Variants in PP2D1 observed in about 807,000 individuals in gnomAD.
The protein encoded by PP2D1 is protein phosphatase 2C like domain containing 1, also known as protein phosphatase 2C-like domain-containing protein 1.
PP2D1 carries 25 observed loss-of-function variants against 30.2 expected under a neutral mutation model. The ratio of observed to expected loss-of-function variants is 0.83; its 90% confidence interval spans 0.60 to 1.16. The LOEUF (loss-of-function observed/expected upper bound fraction) is 1.16, where lower values mean the gene tolerates loss of function less well. Among genes scored for constraint, PP2D1 ranks in the 50% most tolerant of loss-of-function variants. The probability of loss-of-function intolerance (pLI) is 0.00; values close to 1 mark genes in which losing one functional copy is unlikely to be tolerated. For synonymous variants in PP2D1, 260 were observed against 258.9 expected (o/e 1.00, Z -0.04); for missense variants, 760 against 742.4 (o/e 1.02, Z -0.28).
In PP2D1 at chr3:19,980,226, A is replaced by G. The variant is rs180958575; in HGVS notation, c.*63-52T>C. The G allele has an allele frequency of 1.7e-4, 26 of 152,324 alleles. No individual in the cohort carries two copies. The East Asian group carries it at 4.8e-3, about 28-fold the overall frequency. 9.4% of individuals were successfully genotyped at this position (152,324 alleles called of 1,614,324 possible). A position where few individuals can be genotyped will look rare whatever the true frequency, so the allele number is the denominator to read the frequency against. ...TAATAGGCCTCTCAAATCAGCCTGC[A>G]CTGTAAACCTTTCTCACAATATTTA... On this transcript the variant is annotated intron_variant and NMD_transcript_variant, in intron 3 of 3. Coordinates refer to the PP2D1 transcript ENST00000333083.
chr3:20,003,193 TA>T (rs1178703980), intron 1 of PP2D1, among the ~76,000 whole-genome samples: 10 of 149,732 alleles, frequency 6.7e-5, no homozygotes, highest in Non-Finnish European at 7.4e-5. Flanking sequence ...CTCCTTATAT[TA>T]AAAAAAAAAT....
At chr3:19,995,940 T>G (rs1697174791) in intron 2 of PP2D1, among the ~76,000 whole-genome samples, 1 of 151,966 alleles carries the variant, frequency 6.6e-6, no homozygotes, top group African/African-American at 2.4e-5. Flanking sequence ...AAATATAACA[T>G]ACCAAAACCT....
At chr3:20,002,238 A>G (rs1697265981) in intron 1 of PP2D1, 142 bp from the exon 2 acceptor site, 1 of 620,010 alleles carries the variant, frequency 1.6e-6, no homozygotes. Context: ...CATATTTCTC[A>G]AAAAACATGT....
At chr3:19,987,037 CA>C (rs36014617) in intron 2 of PP2D1, among the ~76,000 whole-genome samples, 48,589 of 116,402 alleles carry the variant, frequency 0.42, 8,121 homozygotes, top group Non-Finnish European at 0.47. Flanking sequence ...AAATCTGCCT[CA>C]AAAAAAAAAA....
chr3:19,999,683 A>G (rs1025696899), intron 2 of PP2D1, among the ~76,000 whole-genome samples: 17 of 151,766 alleles, frequency 1.1e-4, no homozygotes, highest in African/African-American at 3.9e-4. Flanking sequence ...GCCACCACCC[A>G]CAGCTGTGTC....
intron 2 of PP2D1, among the ~76,000 whole-genome samples, chr3:19,992,030 C>T (rs1697125524): frequency 6.6e-6 from 1 of 152,082 alleles, no homozygotes; most frequent in African/African-American, 2.4e-5. Context: ...CAGTCTGTAT[C>T]CAGTTTTTCT....
downstream of PP2D1, among the ~76,000 whole-genome samples, chr3:19,983,020 T>C (rs565673561): frequency 2.6e-5 from 4 of 152,280 alleles, no homozygotes; most frequent in Non-Finnish European, 5.9e-5. Flanking sequence ...ATCATCTTTA[T>C]TGACTTAGAT....
intron 1 of PP2D1, among the ~76,000 whole-genome samples, chr3:20,008,625 A>C (rs1161302909): frequency 6.6e-6 from 1 of 151,938 alleles, no homozygotes; most frequent in African/African-American, 2.4e-5. Context: ...TGTAGCTCAC[A>C]CCTGTAATCT....
At chr3:19,997,017 CT>C (rs1373797436) in intron 2 of PP2D1, 3 of 150,990 alleles carry the variant, frequency 2.0e-5, no homozygotes, top group African/African-American at 7.3e-5. Context: ...AATTTAACAT[CT>C]CTTCATGATA....
intron 2 of PP2D1, among the ~76,000 whole-genome samples, chr3:19,986,876 A>G (rs2125137162): frequency 6.6e-6 from 1 of 152,060 alleles, no homozygotes; most frequent in South Asian, 2.1e-4. Context: ...CTCTACTAAA[A>G]ATACAAAAAA....
At chr3:20,007,622 G>A (rs539085935) in intron 1 of PP2D1, among the ~76,000 whole-genome samples, 1 of 152,046 alleles carries the variant, frequency 6.6e-6, no homozygotes, top group African/African-American at 2.4e-5. Flanking sequence ...TACAAAATTA[G>A]CCAAGCGTGG....
intron 2 of PP2D1, among the ~76,000 whole-genome samples, chr3:19,996,524 A>G (rs1575085732): frequency 2.0e-5 from 3 of 152,146 alleles, no homozygotes; most frequent in Non-Finnish European, 4.4e-5. Flanking sequence ...AATTAACACC[A>G]ATTCTTCTCA....
intron 2 of PP2D1, among the ~76,000 whole-genome samples, chr3:19,997,152 G>A (rs1697191118): frequency 1.3e-5 from 2 of 148,270 alleles, no homozygotes; most frequent in Non-Finnish European, 3.0e-5. Flanking sequence ...CTGGAGATGG[G>A]TTCTGATAGA....
chr3:20,001,668 T>A lies in PP2D1; in HGVS notation c.452A>T (p.Asp151Val). ...KQIPAYYKIF[D>V]NIDRSVIYSQ... ...ATATATGACACTCCTGTCAATGTTA[T>A]CAAAAATCTTATAGTATGCTGGTAT... Residue 151 changes from aspartate to valine, a missense_variant, in exon 2 of 3, where the codon GAT (aspartate) becomes GTT (valine). By Grantham distance (152) the Asp-to-Val change is radical. Around this residue, in one of 3 missense-constraint regions of PP2D1, gnomAD observed 374 missense variants for 388.8 expected, o/e 0.96. Coordinates refer to ENST00000389050, the MANE Select transcript of PP2D1 (RefSeq NM_001252657.2). 6.5e-7 allele frequency: 1 copy of A among 1,535,990 alleles called. No individual in the cohort carries two copies. The highest frequency in any genetic ancestry group is 1.7e-4 in the Middle Eastern group (1 of 5,988).
intron 2 of PP2D1, among the ~76,000 whole-genome samples, chr3:19,988,272 A>G (rs1294245041): frequency 6.6e-6 from 1 of 152,174 alleles, no homozygotes. Context: ...TTTTCTCAGC[A>G]AGGAACAGCC....
intron 2 of PP2D1, among the ~76,000 whole-genome samples, chr3:19,997,118 C>T (rs1223592885): frequency 2.6e-5 from 4 of 151,200 alleles, no homozygotes; most frequent in African/African-American, 9.8e-5. Context: ...CCCCAAACAT[C>T]ATGTTGAAAT....
chr3:20,007,454 A>G (rs74668900), intron 1 of PP2D1, among the ~76,000 whole-genome samples: 12,971 of 152,072 alleles, frequency 0.085, 746 homozygotes, highest in Middle Eastern at 0.13. Flanking sequence ...TACGTAACTG[A>G]CTGAAAAATA....
chr3:19,992,738 A>G (rs889980262), intron 2 of PP2D1, among the ~76,000 whole-genome samples: 1 of 152,234 alleles, frequency 6.6e-6, no homozygotes, highest in Non-Finnish European at 1.5e-5. Flanking sequence ...ATAACCTTGT[A>G]TAATGCTTTG....
intron 1 of PP2D1, among the ~76,000 whole-genome samples, chr3:20,011,376 T>G (rs2948099): frequency 0.22 from 33,048 of 152,144 alleles, 4,003 homozygotes; most frequent in South Asian, 0.32. Context: ...TGTGTTTTGA[T>G]CTGAAGTCAA....
Sources: gnomAD v4.1 joint callset for allele counts (sites outside exome capture counted in the v4.1 genomes callset) on GRCh38, gnomAD v4.1.1 for gene constraint, gnomAD v4.1.1 regional missense constraint, MANE v1.5 for transcripts, NCBI Gene and HGNC (gene_info 2026-07-23, HGNC 2026-07-21) for gene names.